Variants in TCOF1 observed in about 807,000 individuals in gnomAD.
The protein encoded by TCOF1 is treacle ribosome biogenesis factor 1.
A neutral mutation model predicts 149.0 loss-of-function variants in TCOF1; 33 were observed. The ratio of observed to expected loss-of-function variants is 0.22; its 90% CI spans 0.17 to 0.30. The LOEUF is 0.30. Ranked by LOEUF, TCOF1 falls within the 10% of genes least tolerant of loss-of-function variation. The pLI is 1.00. For synonymous variants in TCOF1, 789 were observed against 738.8 expected (o/e 1.07, Z -1.10); for missense variants, 1,728 against 1,840.7 (o/e 0.94, Z 1.12).
chr5:150,399,563 C>T (rs569569249), intron 26 of TCOF1, among the ~76,000 whole-genome samples: 7 of 152,240 alleles, frequency 4.6e-5, no homozygotes, highest in African/African-American at 1.7e-4. Flanking sequence ...CTCTGCTGGC[C>T]CTGTGGTCAC....
rs527245067 is a variant in TCOF1 at position 150,396,602 on chromosome 5, G to A, written c.4105G>A (p.Gly1369Arg). The A allele has an allele frequency of 6.3e-7, 1 of 1,585,834 alleles. No homozygotes were observed. Among genetic ancestry groups the A allele is most frequent in the Admixed American group, 1.8e-5 (1 of 55,046 alleles). ...CAGGAGCAAGAAGAAGAAGAAGCTG[G>A]GGGCCGGGGAAGGTGGGGAGGCCTC... is the stretch of plus-strand genomic sequence containing the variant. Reference protein sequence around the residue: ...TPRSKKKKKLGAGEGGEASVS... With the variant: ...TPRSKKKKKLRAGEGGEASVS... Residue 1369 changes from glycine (G) to arginine (R), a missense_variant, in exon 24 of 27, where the codon GGG becomes AGG. Transcript: ENST00000643257.
rs1767527177 is a variant in TCOF1, at chr5:150,391,941, C to T, written c.3298-16C>T. 3 of 1,613,798 alleles carry T rather than the reference C, an allele frequency of 1.9e-6. No homozygotes were observed. The African/African-American group carries it at 4.0e-5, about 22-fold the overall frequency. ...CCTAATTTTTCCTTCCATTCCTTCT[C>T]CTTTCACCGAATTAGGTTGACAGTG... is the stretch of plus-strand genomic sequence containing the variant. On this transcript the variant is annotated splice_polypyrimidine_tract_variant and intron_variant, in intron 20 of 26. Coordinates refer to ENST00000643257, the MANE Select transcript of TCOF1 (RefSeq NM_001371623.1).
At position 150,368,785 on chromosome 5, in the gene TCOF1, A is replaced by G. The variant is rs775714583; in HGVS notation, c.448A>G (p.Asn150Asp). Residue 150 changes from asparagine (N) to aspartate (D), a missense_variant, in exon 5 of 27, where the codon AAC becomes GAC. This residue lies in a region of TCOF1 where 1,696 missense variants were observed against 1,765.4 expected (regional missense o/e 0.96). Coordinates refer to ENST00000643257, the MANE Select transcript of TCOF1 (RefSeq NM_001371623.1). ...PHPATGKTVANLLSGKSPRKS... is the reference protein window; with the variant it reads ...PHPATGKTVADLLSGKSPRKS... ...CCCTGCCACTGGGAAGACGGTGGCCAACCTTCTTTCTGGGAAGTCTCCCAG... is the reference window on the plus strand; with the variant it reads ...CCCTGCCACTGGGAAGACGGTGGCCGACCTTCTTTCTGGGAAGTCTCCCAG... 5 of 1,614,124 alleles carry G rather than the reference A, an allele frequency of 3.1e-6. No homozygotes were observed. The South Asian group carries it at 5.5e-5, about 18-fold the overall frequency.
At chr5:150,388,382 T>G (rs1766717376) in intron 18 of TCOF1, among the ~76,000 whole-genome samples, 1 of 152,120 alleles carries the variant, frequency 6.6e-6, no homozygotes, top group Admixed American at 6.5e-5. Context: ...GAATTCTGTA[T>G]CAGTTGACTG....
chr5:150,397,018 A>ATGTGGTGGCGG (rs1768691216), intron 24 of TCOF1, among the ~76,000 whole-genome samples, 176 bp downstream of exon 24: 1 of 151,806 alleles, frequency 6.6e-6, no homozygotes, highest in Non-Finnish European at 1.5e-5. Flanking sequence ...AATTAGCTGG[A>ATGTGGTGGCGG]TGTGGTGGCG....
intron 18 of TCOF1, among the ~76,000 whole-genome samples, chr5:150,388,845 C>T (rs1474319074): frequency 1.3e-5 from 2 of 152,244 alleles, no homozygotes; most frequent in South Asian, 2.1e-4. Flanking sequence ...CCACGAGAAT[C>T]GCTTGAACCC....
rs774382095 is a variant in TCOF1 at position 150,379,404 on chromosome 5, C to T, written c.2654C>T (p.Ala885Val). The change falls in exon 16 of 27, where the codon GCT becomes GTT. Residue 885 changes from alanine to valine, a missense_variant. By Grantham distance (64) the Ala-to-Val change is moderately conservative. Transcript: ENST00000643257. ...SDSEEEAETL[A>V]QVKPSGKTHQ... Reference sequence around the variant, plus strand: ...AGTGAGGAGGAGGCGGAGACGCTGGCTCAGGTGAGGGGGAGGGAATGGAGA... The same window carrying T: ...AGTGAGGAGGAGGCGGAGACGCTGGTTCAGGTGAGGGGGAGGGAATGGAGA... The T allele has an allele frequency of 1.2e-6, 2 of 1,613,700 alleles. No individual in the cohort carries two copies. Among genetic ancestry groups the T allele is most frequent in the East Asian group, 4.5e-5 (2 of 44,838 alleles).
intron 23 of TCOF1, 113 bp downstream of exon 23, chr5:150,393,665 G>A: frequency 7.0e-7 from 1 of 1,418,944 alleles, no homozygotes; most frequent in Non-Finnish European, 9.7e-7. Context: ...TCTGCCCCCA[G>A]AGCCTCTCCA....
At position 150,398,416 on chromosome 5, in the gene TCOF1, T is replaced by A. The variant is rs1241255729; in HGVS notation, c.4408T>A (p.Ser1470Thr). Residue 1470 changes from serine (S) to threonine (T), a missense_variant, in exon 25 of 27, where the codon TCT becomes ACT. This residue lies in a region of TCOF1 where 1,696 missense variants were observed against 1,765.4 expected (regional missense o/e 0.96). Coordinates refer to ENST00000643257, the MANE Select transcript of TCOF1 (RefSeq NM_001371623.1). ...AGCAAAAAAGGCCTCAACCAAAGAT[T>A]CTGAGTCACCGTCCCAGAAGAAAAA... is the stretch of plus-strand genomic sequence containing the variant. ...KKAKKASTKD[S>T]ESPSQKKKKK... is the part of the protein sequence containing the mutation. 1.2e-6 allele frequency: 2 copies of A among 1,614,102 alleles called. No individual in the cohort carries two copies. Among genetic ancestry groups the A allele is most frequent in the South Asian group, 2.2e-5 (2 of 91,082 alleles).
chr5:150,376,950 G>A (rs369312578), intron 14 of TCOF1, among the ~76,000 whole-genome samples: 1 of 152,368 alleles, frequency 6.6e-6, no homozygotes, highest in South Asian at 2.1e-4. Context: ...TGTGGAGCAT[G>A]GACATGCTCC....
chr5:150,375,964 G>GCC (rs1763697533), intron 12 of TCOF1, 55 bp downstream of exon 12: 1 of 1,613,834 alleles, frequency 6.2e-7, no homozygotes, highest in Non-Finnish European at 8.5e-7. Context: ...ACCACAGTCA[G>GCC]CACCCCCGGG....
chr5:150,360,522 G>A (rs946549571), intron 1 of TCOF1, among the ~76,000 whole-genome samples: 2 of 152,172 alleles, frequency 1.3e-5, no homozygotes, highest in African/African-American at 4.8e-5. Context: ...CAAAGGTGGG[G>A]AAAACCCTGT....
chr5:150,374,921 T>C (rs907764441), intron 9 of TCOF1, 33 bp from the exon 10 acceptor site: 2 of 1,613,676 alleles, frequency 1.2e-6, no homozygotes, highest in African/African-American at 1.3e-5. Context: ...GTCCACCCTC[T>C]GGGCTCTCCC....
intron 22 of TCOF1, 58 bp from the exon 23 acceptor site, chr5:150,393,314 C>T (rs1029988714): frequency 1.2e-6 from 2 of 1,609,474 alleles, no homozygotes; most frequent in African/African-American, 2.7e-5. Flanking sequence ...ATGACTCGGG[C>T]TGGGTTATGG....
chr5:150,393,601 G>T, intron 23 of TCOF1, 49 bp downstream of exon 23: 1 of 1,612,104 alleles, frequency 6.2e-7, no homozygotes, highest in Non-Finnish European at 8.5e-7. Context: ...GAGGGACAGG[G>T]CAGTGGGCCC....
intron 2 of TCOF1, 52 bp from the exon 3 acceptor site, chr5:150,364,061 G>T: frequency 1.2e-6 from 2 of 1,613,366 alleles, no homozygotes; most frequent in South Asian, 1.1e-5. Flanking sequence ...GTCAATTCTT[G>T]TGGAGTTGTT....
intron 17 of TCOF1, among the ~76,000 whole-genome samples, chr5:150,381,375 A>G (rs546447284): frequency 6.6e-6 from 1 of 152,372 alleles, no homozygotes; most frequent in Non-Finnish European, 1.5e-5. Context: ...GGGGCAAGAC[A>G]GGTGACCGGA....
chr5:150,389,543 G>A (rs930237231), intron 18 of TCOF1, among the ~76,000 whole-genome samples: 3 of 152,186 alleles, frequency 2.0e-5, no homozygotes, highest in Admixed American at 6.5e-5. Context: ...ATAACCACGG[G>A]GACTCTTAGG....
Position 150,379,003 on chromosome 5 carries a change from C to T in TCOF1, c.2439C>T (p.Val813=). ...CAATTTCAGCCCCTGGAAAAGTTGT[C>T]ACTGCAGCTGCTCAAGCCAAGCAGA... is the stretch of plus-strand genomic sequence containing the variant. ...KGTISAPGKV[V]TAAAQAKQRS... The change falls in exon 15 of 27, where the codon GTC becomes GTT. Residue 813 remains valine (V), a synonymous_variant. Transcript: ENST00000643257. 1.2e-6 allele frequency: 2 copies of T among 1,614,092 alleles called. No individual in the cohort carries two copies. The highest frequency in any genetic ancestry group is 1.7e-6 in the Non-Finnish European group (2 of 1,180,018).
Sources: allele counts gnomAD v4.1 joint callset (sites outside exome capture counted in the v4.1 genomes callset), GRCh38; gene constraint gnomAD v4.1.1; regional missense constraint gnomAD v4.1.1; transcripts MANE v1.5; gene names NCBI Gene and HGNC (gene_info 2026-07-23, HGNC 2026-07-21).